The following RGS22 variants were observed in gnomAD, a reference collection of about 807,000 sequenced individuals.
RGS22 encodes regulator of G protein signaling 22, also known as regulator of G-protein signaling 22.
In RGS22, 148 loss-of-function variants were observed where a neutral mutation model predicts 172.9. The ratio of observed to expected loss-of-function variants is 0.86; its 90% confidence interval spans 0.75 to 0.98. The LOEUF (loss-of-function observed/expected upper bound fraction) is 0.98, where lower values mean the gene tolerates loss of function less well. Among genes scored for constraint, RGS22 ranks in the 50% least tolerant of loss-of-function variants. The pLI is 0.00. For missense variants in RGS22, 1,347 were observed against 1,440.8 expected, an observed-to-expected ratio of 0.93 and a Z score of 1.05; for synonymous variants, 458 against 480.2, an observed-to-expected ratio of 0.95 and a Z score of 0.60.
At chr8:100,053,695 G>C (rs750377240) in intron 9 of RGS22, among the ~76,000 whole-genome samples, 2 of 152,026 alleles carry the variant, frequency 1.3e-5, no homozygotes, top group Non-Finnish European at 2.9e-5. Flanking sequence ...GAATGCAGTG[G>C]TGCGATCTCA....
chr8:100,020,804 C>T (rs1281776290), intron 14 of RGS22, among the ~76,000 whole-genome samples: 1 of 152,216 alleles, frequency 6.6e-6, no homozygotes, highest in Non-Finnish European at 1.5e-5. Flanking sequence ...ATAATGACTA[C>T]TCAAAACTCA....
In RGS22 at chr8:100,038,997, C is replaced by G. The variant is rs1278583150; in HGVS notation, c.2100G>C (p.Leu700=). ...GGTAGAAAAGCTGATGATAAGCCTG[C>G]AGGTCAAACCAAAAGTACACACTGT... ...WKNSVYFWFD[L]QAYHQLFYQE... is the part of the protein sequence containing the mutation. Residue 700 remains leucine (L), a synonymous_variant, in exon 14 of 28, where the codon CTG becomes CTC. Coordinates refer to ENST00000360863, the MANE Select transcript of RGS22 (RefSeq NM_015668.5). 1 of 1,611,960 alleles carries G rather than the reference C, an allele frequency of 6.2e-7. No individual in the cohort carries two copies. Among genetic ancestry groups the G allele is most frequent in the Non-Finnish European group, 8.5e-7 (1 of 1,178,790 alleles).
chr8:100,066,093 T>G, intron 7 of RGS22, 74 bp downstream of exon 7: 1 of 1,444,670 alleles, frequency 6.9e-7, no homozygotes, highest in Non-Finnish European at 9.6e-7. Context: ...CTAAGTACTG[T>G]ACTGTAAAAT....
chr8:100,081,019 A>G (rs1811712402), intron 3 of RGS22, among the ~76,000 whole-genome samples: 1 of 152,186 alleles, frequency 6.6e-6, no homozygotes, highest in African/African-American at 2.4e-5. Context: ...TAAATCACTG[A>G]ACATTTTTGG....
At chr8:100,032,860 A>C (rs1818988879) in intron 14 of RGS22, among the ~76,000 whole-genome samples, 1 of 152,228 alleles carries the variant, frequency 6.6e-6, no homozygotes, top group African/African-American at 2.4e-5. Flanking sequence ...AGGATTAAGA[A>C]ACTCACTCAA....
intron 21 of RGS22, among the ~76,000 whole-genome samples, chr8:99,983,926 G>T (rs756795304): frequency 1.3e-4 from 20 of 152,134 alleles, no homozygotes; most frequent in Non-Finnish European, 2.5e-4. Flanking sequence ...TGTGAAAAAA[G>T]CTTAATATAA....
At chr8:100,018,217 A>G (rs995379397) in intron 14 of RGS22, among the ~76,000 whole-genome samples, 2 of 151,760 alleles carry the variant, frequency 1.3e-5, no homozygotes, top group African/African-American at 4.8e-5. Context: ...TGTATCAAAA[A>G]AAAAAAAAAA....
At chr8:99,985,385 C>T (rs1193578002) in intron 21 of RGS22, among the ~76,000 whole-genome samples, 1 of 152,220 alleles carries the variant, frequency 6.6e-6, no homozygotes, top group Non-Finnish European at 1.5e-5. Context: ...TAAATGCCTT[C>T]CAACTGGCAA....
At chr8:100,098,429 T>C (rs979551312) in intron 2 of RGS22, among the ~76,000 whole-genome samples, 1 of 152,182 alleles carries the variant, frequency 6.6e-6, no homozygotes, top group African/African-American at 2.4e-5. Context: ...CCACAACACA[T>C]CTTGTTGAAA....
rs1328687526 is a variant in RGS22, at chr8:99,962,422, C to T, written c.*17G>A. 1 of 1,613,508 alleles carries T rather than the reference C, an allele frequency of 6.2e-7. No homozygotes were observed. Among genetic ancestry groups the T allele is most frequent in the South Asian group, 1.1e-5 (1 of 91,076 alleles). On this transcript the variant is annotated 3_prime_UTR_variant, in exon 27 of 28. Coordinates refer to ENST00000360863, the MANE Select transcript of RGS22 (RefSeq NM_015668.5). Reference sequence around the variant, plus strand: ...GAACCTATCAGCAGCAGGATGTAAACATTCACAAGAATGCTGTCACTCTGG... The same window carrying T: ...GAACCTATCAGCAGCAGGATGTAAATATTCACAAGAATGCTGTCACTCTGG...
chr8:99,962,559 G>A (rs925007406), intron 26 of RGS22, 116 bp from the exon 27 acceptor site: 1 of 1,414,732 alleles, frequency 7.1e-7, no homozygotes, highest in Non-Finnish European at 9.9e-7. Context: ...CCTAAGTTGG[G>A]GGGCAGAATA....
At position 99,999,292 on chromosome 8, in the gene RGS22, A is replaced by G. The variant is rs1354025285; in HGVS notation, c.2919T>C (p.Ser973=). ...ENVWLPLFLA[S]EQFAARQKIK... is the part of the protein sequence containing the mutation. ...TCTTCTGACGTGCTGCAAACTGTTC[A>G]CTTGCAAGAAACAATGGCAGCCATA... The change falls in exon 19 of 28, where the codon AGT becomes AGC. Residue 973 remains serine (S), a synonymous_variant. Transcript: ENST00000360863. 1.9e-6 allele frequency: 3 copies of G among 1,613,774 alleles called. No homozygotes were observed. Among genetic ancestry groups the G allele is most frequent in the Non-Finnish European group, 2.5e-6 (3 of 1,179,934 alleles).
intron 14 of RGS22, among the ~76,000 whole-genome samples, chr8:100,028,930 T>C (rs1046909247): frequency 1.3e-5 from 2 of 152,206 alleles, no homozygotes; most frequent in Non-Finnish European, 2.9e-5. Context: ...TGATTACATG[T>C]ATGTGGTTAC....
At chr8:99,975,300 T>C (rs966320571) in intron 23 of RGS22, among the ~76,000 whole-genome samples, 4 of 152,210 alleles carry the variant, frequency 2.6e-5, no homozygotes, top group African/African-American at 7.2e-5. Flanking sequence ...TAAATCTGTT[T>C]GCAGTGGTGA....
rs140917517 is a variant in RGS22 at position 100,095,833 on chromosome 8, A to G, written c.55-2324T>C. 5.3e-3 allele frequency among the ~76,000 whole-genome samples: 811 copies of G among 152,286 alleles called. 7 individuals are homozygous for G. The highest frequency in any genetic ancestry group is 0.019 in the African/African-American group (780 of 41,564). On this transcript the variant is annotated intron_variant, in intron 2 of 27. Coordinates refer to ENST00000360863, the MANE Select transcript of RGS22 (RefSeq NM_015668.5). ...ATTATCAAATACATCAAAATCAATT[A>G]TATCTTTTATAAAATTGTGCCTTAA...
At chr8:100,090,275 G>T (rs1182255566) in intron 3 of RGS22, among the ~76,000 whole-genome samples, 1 of 152,164 alleles carries the variant, frequency 6.6e-6, no homozygotes, top group African/African-American at 2.4e-5. Context: ...GAGTGGAAAA[G>T]CTGGAATCAA....
chr8:100,063,783 G>T lies in RGS22; in HGVS notation c.985C>A (p.Gln329Lys). Residue 329 changes from glutamine to lysine, a missense_variant, in exon 8 of 28, where the codon CAG becomes AAG. By Grantham distance (53) the Gln-to-Lys change is moderately conservative (BLOSUM62 1). Transcript: ENST00000360863. Reference protein sequence around the residue: ...YIYFILRGAIQQIVGKPVGET... With the variant: ...YIYFILRGAIKQIVGKPVGET... ...CCAACTGGCTTTCCAACAATTTGCT[G>T]AATTGCTCCTCTCAAAATAAAGTAT... 2 of 1,614,026 alleles carry T rather than the reference G, an allele frequency of 1.2e-6. No homozygotes were observed. The highest frequency in any genetic ancestry group is 2.2e-5 in the South Asian group (2 of 91,064).
chr8:99,969,785 G>C (rs1289693574), intron 23 of RGS22, among the ~76,000 whole-genome samples: 1 of 152,142 alleles, frequency 6.6e-6, no homozygotes, highest in Non-Finnish European at 1.5e-5. Flanking sequence ...ATAATACTGG[G>C]AGACTTTAAC....
At chr8:100,024,101 G>C (rs1035788718) in intron 14 of RGS22, 1 of 152,170 alleles carries the variant, frequency 6.6e-6, no homozygotes, top group African/African-American at 2.4e-5. Context: ...TGAGTAGCTG[G>C]GATTATAGGC....
Sources: gnomAD v4.1 joint callset for allele counts (sites outside exome capture counted in the v4.1 genomes callset) on GRCh38, gnomAD v4.1.1 for gene constraint, MANE v1.5 for transcripts, NCBI Gene and HGNC (gene_info 2026-07-23, HGNC 2026-07-21) for gene names.